Variants in PLSCR4 observed in about 807,000 individuals in gnomAD.
The protein encoded by PLSCR4 is Ca(2+)-dependent phospholipid scramblase 4.
A neutral mutation model predicts 36.3 loss-of-function variants in PLSCR4; 25 were observed. That is an observed-to-expected ratio of 0.69 (90% CI 0.50 to 0.96). PLSCR4 has a LOEUF of 0.96. PLSCR4 is among the 40% of genes least tolerant of loss of function. The pLI is 0.00. For missense variants in PLSCR4, 408 were observed against 414.7 expected (o/e 0.98, Z 0.14); for synonymous variants, 122 against 132.9 (o/e 0.92, Z 0.56).
rs369986729 is a variant in PLSCR4, at chr3:146,219,797, G to A, written c.118+1018C>T. On this transcript the variant is annotated intron_variant, in intron 3 of 8. Transcript: ENST00000354952. ...AAAAAATAAAAAACAAAAATTAGCC[G>A]GGCGTGGTGGTGCATGCCTGTGATC... Among the ~76,000 whole-genome samples, 72 of 152,048 alleles carry A rather than the reference G, an allele frequency of 4.7e-4. 5 individuals carry two copies. The South Asian group carries it at 8.7e-3, about 18-fold the overall frequency.
chr3:146,212,263 T>C (rs929165779), intron 3 of PLSCR4, among the ~76,000 whole-genome samples: 1 of 152,036 alleles, frequency 6.6e-6, no homozygotes, highest in African/African-American at 2.4e-5. Flanking sequence ...TACTTCTGGG[T>C]ATGTTATTTT....
At chr3:146,204,233 T>C (rs1324017703) in intron 4 of PLSCR4, among the ~76,000 whole-genome samples, 1 of 151,860 alleles carries the variant, frequency 6.6e-6, no homozygotes, top group Non-Finnish European at 1.5e-5. Flanking sequence ...TTGGGAACCT[T>C]GATAAAGATT....
intron 3 of PLSCR4, among the ~76,000 whole-genome samples, chr3:146,219,030 C>G (rs2035018250): frequency 6.6e-6 from 1 of 152,136 alleles, no homozygotes; most frequent in African/African-American, 2.4e-5. Context: ...TTTCAAGATT[C>G]TTAATTTGAG....
At chr3:146,200,251 A>G (rs1281621249) in intron 5 of PLSCR4, among the ~76,000 whole-genome samples, 1 of 152,142 alleles carries the variant, frequency 6.6e-6, no homozygotes, top group Non-Finnish European at 1.5e-5. Context: ...TAAGAAGTTC[A>G]GTGTAAACAT....
At chr3:146,222,356 A>G in intron 1 of PLSCR4, 1 of 217,248 alleles carries the variant, frequency 4.6e-6, no homozygotes, top group Non-Finnish European at 9.0e-6. Flanking sequence ...AGATTTAAAA[A>G]AAGTCAAGAA....
At chr3:146,213,334 CTTT>C (rs60242461) in intron 3 of PLSCR4, among the ~76,000 whole-genome samples, 2 of 125,502 alleles carry the variant, frequency 1.6e-5, no homozygotes, top group Non-Finnish European at 3.3e-5. Context: ...GTAAAATTTC[CTTT>C]TTTTTTTTTT....
In PLSCR4 at chr3:146,192,765, C is replaced by T. The variant is rs1170233543; in HGVS notation, c.*1646G>A. On this transcript the variant is annotated 3_prime_UTR_variant, in exon 9 of 9. Coordinates refer to ENST00000354952, the MANE Select transcript of PLSCR4 (RefSeq NM_020353.3). The stretch of plus-strand genomic sequence containing the variant: ...CATAGTCTACTTACGATTGCAATGG[C>T]ACTTTCAAATATAAGGCAATTAATA... 6.6e-6 allele frequency: 1 copy of T among 151,582 alleles called. No individual in the cohort carries two copies. The allele number at this position is 151,582 out of a possible 1,614,324, so 9.4% of individuals were successfully genotyped here.
At chr3:146,201,753 C>CGGCTGGGTG (rs1371088391) in intron 4 of PLSCR4, among the ~76,000 whole-genome samples, 1 of 151,356 alleles carries the variant, frequency 6.6e-6, no homozygotes, top group African/African-American at 2.4e-5. Flanking sequence ...ATGAAAAGGA[C>CGGCTGGGTG]GGCTGGGTAT....
intron 1 of PLSCR4, among the ~76,000 whole-genome samples, chr3:146,229,146 G>A (rs1448548439): frequency 6.6e-6 from 1 of 152,158 alleles, no homozygotes; most frequent in Non-Finnish European, 1.5e-5. Flanking sequence ...TGGGTTCCGG[G>A]AAAGCAATTT....
At chr3:146,217,569 G>A (rs1415542944) in intron 3 of PLSCR4, among the ~76,000 whole-genome samples, 2 of 152,212 alleles carry the variant, frequency 1.3e-5, no homozygotes, top group Non-Finnish European at 2.9e-5. Flanking sequence ...CTGGCTAGAA[G>A]GCAAGGAAGG....
intron 3 of PLSCR4, among the ~76,000 whole-genome samples, chr3:146,209,021 C>T (rs866600447): frequency 4.0e-5 from 6 of 151,814 alleles, no homozygotes; most frequent in South Asian, 4.1e-4. Context: ...CATCAATCTA[C>T]GAGTGGATAA....
At chr3:146,233,917 T>C (rs936328967) in intron 1 of PLSCR4, among the ~76,000 whole-genome samples, 2 of 152,118 alleles carry the variant, frequency 1.3e-5, no homozygotes, top group Non-Finnish European at 2.9e-5. Context: ...AATGGGAAAG[T>C]AGGCTGTTCT....
At chr3:146,201,709 G>A (rs1409394601) in intron 4 of PLSCR4, among the ~76,000 whole-genome samples, 1 of 152,020 alleles carries the variant, frequency 6.6e-6, no homozygotes, top group Non-Finnish European at 1.5e-5. Flanking sequence ...CAGGATTAGG[G>A]GAAGAGAAAG....
intron 3 of PLSCR4, 89 bp downstream of exon 3, chr3:146,220,722 ATCAG>A (rs1160807254): frequency 2.6e-6 from 2 of 757,136 alleles, no homozygotes; most frequent in African/African-American, 3.5e-5. Flanking sequence ...TACTTATTAA[ATCAG>A]TCAATTAATT....
intron 1 of PLSCR4, among the ~76,000 whole-genome samples, chr3:146,227,172 T>C (rs1033196349): frequency 3.9e-5 from 6 of 152,222 alleles, no homozygotes; most frequent in Admixed American, 2.0e-4. Flanking sequence ...TTTGGCTTCA[T>C]ATCTGTCAGA....
intron 3 of PLSCR4, among the ~76,000 whole-genome samples, chr3:146,215,243 T>C (rs1482791627): frequency 2.0e-5 from 3 of 151,996 alleles, no homozygotes; most frequent in Non-Finnish European, 4.4e-5. Flanking sequence ...ACTGTATTAT[T>C]AGTATACTAT....
intron 4 of PLSCR4, 118 bp from the exon 5 acceptor site, chr3:146,201,195 G>A: frequency 1.6e-6 from 1 of 635,098 alleles, no homozygotes; most frequent in Non-Finnish European, 2.5e-6. Context: ...ATATATTTTT[G>A]AAAGTCAATA....
rs149525596 is a variant in PLSCR4, at chr3:146,214,350, C to A, written c.118+6465G>T. Reference sequence around the variant, plus strand: ...TTTTTAGCCGGGATGGTCTCGATCTCCTGACCTCGTGATCCGCCCGCCTTG... The same window carrying A: ...TTTTTAGCCGGGATGGTCTCGATCTACTGACCTCGTGATCCGCCCGCCTTG... On this transcript the variant is annotated intron_variant, in intron 3 of 8. Coordinates refer to ENST00000354952, the MANE Select transcript of PLSCR4 (RefSeq NM_020353.3). 1.6e-4 allele frequency among the ~76,000 whole-genome samples: 13 copies of A among 81,226 alleles called. 6 individuals are homozygous for A. Among genetic ancestry groups the A allele is most frequent in the Non-Finnish European group, 3.0e-4 (11 of 36,606 alleles). The allele number at this position is 81,226 out of a possible 152,430, so 53.3% of individuals were successfully genotyped here. A position where few individuals can be genotyped will look rare whatever the true frequency, so the allele number is the denominator to read the frequency against.
chr3:146,236,145 T>C (rs1204179215), intron 1 of PLSCR4, among the ~76,000 whole-genome samples: 1 of 152,032 alleles, frequency 6.6e-6, no homozygotes, highest in Non-Finnish European at 1.5e-5. Context: ...AGAAATTTCA[T>C]AACTAGAAGG....
Sources: gnomAD v4.1 joint callset for allele counts (sites outside exome capture counted in the v4.1 genomes callset) on GRCh38, gnomAD v4.1.1 for gene constraint, MANE v1.5 for transcripts, NCBI Gene and HGNC (gene_info 2026-07-23, HGNC 2026-07-21) for gene names.